Variants in PTK2B observed in about 807,000 individuals in gnomAD.
The protein encoded by PTK2B is protein tyrosine kinase 2 beta.
PTK2B carries 71 observed loss-of-function variants against 142.9 expected under a neutral mutation model. That is an observed-to-expected ratio of 0.50 (90% CI 0.41 to 0.61). The LOEUF (loss-of-function observed/expected upper bound fraction) is 0.61, where lower values mean the gene tolerates loss of function less well. Among genes scored for constraint, PTK2B ranks in the 20% least tolerant of loss-of-function variants. The pLI, the probability that PTK2B is intolerant of heterozygous loss-of-function variation, is 0.00. For synonymous variants in PTK2B, 519 were observed against 503.4 expected, an observed-to-expected ratio of 1.03 and a Z score of -0.42; for missense variants, 1,105 against 1,320.4, an observed-to-expected ratio of 0.84 and a Z score of 2.53.
At chr8:27,406,486 A>ATT (rs1240718585) in intron 2 of PTK2B, among the ~76,000 whole-genome samples, 1 of 152,114 alleles carries the variant, frequency 6.6e-6, no homozygotes, top group African/African-American at 2.4e-5. Context: ...TGTCCATTTA[A>ATT]AAGCTTTAAT....
rs1393734363 is a variant in PTK2B, at chr8:27,363,882, G to A, written c.-37-33666G>A. Among the ~76,000 whole-genome samples the A allele has an allele frequency of 6.6e-6, 1 of 152,232 alleles. No homozygotes were observed. The highest frequency in any genetic ancestry group is 1.5e-5 in the Non-Finnish European group (1 of 68,028). ...GATTACTCTCCCACGTGCTGGAGAT[G>A]AGGAAGTGAGGAAATACCCAGGGCG... On this transcript the variant is annotated intron_variant, in intron 1 of 30. Coordinates refer to ENST00000346049, the MANE Select transcript of PTK2B (RefSeq NM_173176.3). The surrounding 1 kb of genome is among the most constrained non-coding windows in gnomAD (Gnocchi z 4.3).
chr8:27,377,451 A>C (rs1806740714), intron 1 of PTK2B, among the ~76,000 whole-genome samples: 1 of 152,376 alleles, frequency 6.6e-6, no homozygotes, highest in Non-Finnish European at 1.5e-5. Context: ...AGACTGGGCC[A>C]TGACAGAGCT....
At chr8:27,378,601 C>CCGTGTGTG (rs1234594101) in intron 1 of PTK2B, among the ~76,000 whole-genome samples, 43 of 148,286 alleles carry the variant, frequency 2.9e-4, no homozygotes, top group Middle Eastern at 3.5e-3. Context: ...TACAGCTTAT[C>CCGTGTGTG]TGTGTGTGTG....
chr8:27,378,596 C>T (rs1806809172), intron 1 of PTK2B, among the ~76,000 whole-genome samples: 1 of 138,538 alleles, frequency 7.2e-6, no homozygotes, highest in Admixed American at 7.5e-5. Flanking sequence ...AATCTTACAG[C>T]TTATCTGTGT....
intron 5 of PTK2B, among the ~76,000 whole-genome samples, chr8:27,427,272 G>C (rs1244995097): frequency 1.3e-5 from 2 of 152,146 alleles, no homozygotes; most frequent in Non-Finnish European, 1.5e-5. Flanking sequence ...TTCCCATCAA[G>C]CCAGCCTAAG....
chr8:27,435,639 C>G lies in PTK2B; in HGVS notation c.1193-104C>G, dbSNP rs373788281. 1.4e-5 allele frequency: 20 copies of G among 1,383,418 alleles called. No individual in the cohort carries two copies. The African/African-American group carries it at 2.4e-4, about 17-fold the overall frequency. The allele number at this position is 1,383,418 out of a possible 1,614,324, so 85.7% of individuals were successfully genotyped here. A position where few individuals can be genotyped will look rare whatever the true frequency, so the allele number is the denominator to read the frequency against. The stretch of plus-strand genomic sequence containing the variant: ...GACATGCCTGGCTTCTCCTCCTACC[C>G]CCTTGGGCTCCACTGGCCTCCAGCA... On this transcript the variant is annotated intron_variant, in intron 13 of 30. Transcript: ENST00000346049.
At chr8:27,360,581 G>T (rs1360107406) in intron 1 of PTK2B, among the ~76,000 whole-genome samples, 1 of 152,050 alleles carries the variant, frequency 6.6e-6, no homozygotes, top group East Asian at 1.9e-4. Context: ...TGAGCTAGCT[G>T]GCTCCTGAAC....
chr8:27,426,533 C>G (rs1810095293), intron 5 of PTK2B, among the ~76,000 whole-genome samples: 1 of 152,218 alleles, frequency 6.6e-6, no homozygotes, highest in Non-Finnish European at 1.5e-5. Flanking sequence ...CAGCGTCTCC[C>G]TTGAGTGATG....
intron 1 of PTK2B, among the ~76,000 whole-genome samples, chr8:27,391,336 A>G (rs1478992263): frequency 1.3e-5 from 2 of 152,058 alleles, no homozygotes; most frequent in African/African-American, 4.8e-5. Flanking sequence ...ATTTCAAGTG[A>G]TCTGCCCACC....
At chr8:27,439,428 G>A (rs2132213569) in intron 20 of PTK2B, 30 bp downstream of exon 20, 2 of 1,592,038 alleles carry the variant, frequency 1.3e-6, no homozygotes, top group South Asian at 2.2e-5. Context: ...GGCATGAAAA[G>A]GTGTTCAGAT....
chr8:27,324,296 C>T (rs2130705656), upstream of PTK2B, among the ~76,000 whole-genome samples: 1 of 152,328 alleles, frequency 6.6e-6, no homozygotes, highest in South Asian at 2.1e-4. Context: ...GTGCTGGGAA[C>T]GTGACAAATC....
intron 27 of PTK2B, chr8:27,452,894 C>G (rs1811905864): frequency 1.2e-5 from 7 of 591,050 alleles, no homozygotes; most frequent in Middle Eastern, 4.4e-4. Context: ...GGGACTTTGC[C>G]TTTTTCTTCC....
chr8:27,372,695 A>G (rs1444899913), intron 1 of PTK2B, among the ~76,000 whole-genome samples: 1 of 152,144 alleles, frequency 6.6e-6, no homozygotes, highest in Non-Finnish European at 1.5e-5. Flanking sequence ...AGAGGACATC[A>G]TAGTTGAGAT....
chr8:27,334,679 C>T (rs1436356175), intron 1 of PTK2B, among the ~76,000 whole-genome samples: 1 of 152,172 alleles, frequency 6.6e-6, no homozygotes, highest in African/African-American at 2.4e-5. Flanking sequence ...AAAGGGATCC[C>T]TCCCTCCCTG....
chr8:27,377,116 G>T (rs1806719622), intron 1 of PTK2B, among the ~76,000 whole-genome samples: 1 of 152,074 alleles, frequency 6.6e-6, no homozygotes, highest in African/African-American at 2.4e-5. Context: ...GCGGGTAAAA[G>T]GTGTAGAAAA....
At position 27,446,007 on chromosome 8, in the gene PTK2B, C is replaced by G. The variant is rs1410319228; in HGVS notation, c.2340+88C>G. On this transcript the variant is annotated intron_variant, in intron 24 of 30. Transcript: ENST00000346049. Reference sequence around the variant, plus strand: ...GGGGACACTGGAAACCCCACGTCCTCAGCTCAGGAGGGCCCTTCCTGTTCC... The same window carrying G: ...GGGGACACTGGAAACCCCACGTCCTGAGCTCAGGAGGGCCCTTCCTGTTCC... 8 of 1,560,750 alleles carry G rather than the reference C, an allele frequency of 5.1e-6. No individual in the cohort carries two copies. In the East Asian group the frequency reaches 1.6e-4, roughly 31 times the overall value.
At chr8:27,369,318 G>A (rs773832928) in intron 1 of PTK2B, among the ~76,000 whole-genome samples, 4 of 152,148 alleles carry the variant, frequency 2.6e-5, no homozygotes, top group Non-Finnish European at 5.9e-5. Flanking sequence ...GGGCCTGGGG[G>A]ATCCAGGGGT....
At position 27,439,085 on chromosome 8, in the gene PTK2B, G is replaced by A; in HGVS notation, c.1698G>A (p.Gly566=). 1.2e-6 allele frequency: 2 copies of A among 1,614,100 alleles called. No individual in the cohort carries two copies. Among genetic ancestry groups the A allele is most frequent in the Non-Finnish European group, 8.5e-7 (1 of 1,179,978 alleles). Residue 566 remains glycine (G), a synonymous_variant, in exon 19 of 31, where the codon GGG becomes GGA. Coordinates refer to ENST00000346049, the MANE Select transcript of PTK2B (RefSeq NM_173176.3). ...CCTCCCCTGAGTGTGTGAAGCTGGG[G>A]GACTTTGGTCTTTCCCGGTACATTG... The part of the protein sequence containing the change: ...LVASPECVKL[G]DFGLSRYIED...
chr8:27,370,633 C>T (rs1425620349), intron 1 of PTK2B, among the ~76,000 whole-genome samples: 1 of 152,230 alleles, frequency 6.6e-6, no homozygotes, highest in African/African-American at 2.4e-5. Flanking sequence ...CCACATGAGA[C>T]TCAAGAGCAA....
Sources: allele counts gnomAD v4.1 joint callset (sites outside exome capture counted in the v4.1 genomes callset), GRCh38; gene constraint gnomAD v4.1.1; non-coding constraint Gnocchi (gnomAD v3.1); transcripts MANE v1.5; gene names NCBI Gene and HGNC (gene_info 2026-07-23, HGNC 2026-07-21).